Variants in FHIT observed in about 807,000 individuals in gnomAD.
FHIT encodes the protein fragile histidine triad diadenosine triphosphatase.
Under a neutral mutation model 17.9 loss-of-function variants are expected in FHIT, and 19 were observed. That is an observed-to-expected ratio of 1.06 (90% CI 0.74 to 1.56). FHIT has a LOEUF of 1.56. FHIT is among the 40% of genes most tolerant of loss of function. The probability of loss-of-function intolerance (pLI) is 0.00; values close to 1 mark genes in which losing one functional copy is unlikely to be tolerated. For synonymous variants in FHIT, 81 were observed against 69.7 expected, an observed-to-expected ratio of 1.16 and a Z score of -0.81; for missense variants, 248 against 189.2, an observed-to-expected ratio of 1.31 and a Z score of -1.82.
chr3:61,224,502 C>T (rs537814046), intron 1 of FHIT, among the ~76,000 whole-genome samples: 16 of 152,268 alleles, frequency 1.1e-4, no homozygotes, highest in South Asian at 4.1e-4. Flanking sequence ...CTCTGCCTCC[C>T]GGGTTCAAGC....
At chr3:60,050,907 C>G (rs1285422688) in intron 5 of FHIT, among the ~76,000 whole-genome samples, 1 of 152,102 alleles carries the variant, frequency 6.6e-6, no homozygotes, top group Non-Finnish European at 1.5e-5. Context: ...TCTAAAGAGG[C>G]CTCCATTAAT....
At position 59,852,832 on chromosome 3, in the gene FHIT, C is replaced by A. The variant is rs79536006; in HGVS notation, c.348+69514G>T. On this transcript the variant is annotated intron_variant, in intron 8 of 9. Coordinates refer to ENST00000492590, the MANE Select transcript of FHIT (RefSeq NM_002012.4). ...TTAGTAATATACATTTAAGTTTCCG[C>A]CATGTCTCTTCATGGATTGATAGCT... Among the ~76,000 whole-genome samples the A allele has an allele frequency of 9.1e-4, 138 of 152,218 alleles. 1 individual carries two copies. The highest frequency in any genetic ancestry group is 2.8e-3 in the African/African-American group (118 of 41,538).
chr3:60,312,409 C>A (rs1187805387), intron 5 of FHIT, among the ~76,000 whole-genome samples: 3 of 152,108 alleles, frequency 2.0e-5, no homozygotes, highest in Non-Finnish European at 4.4e-5. Context: ...CCCCAAAGTG[C>A]CAGGACCTTA....
At chr3:60,003,002 G>A (rs541558992) in intron 7 of FHIT, among the ~76,000 whole-genome samples, 21 of 152,290 alleles carry the variant, frequency 1.4e-4, no homozygotes, top group African/African-American at 4.8e-4. Context: ...ATGAGAACTA[G>A]CTATATGCTA....
At chr3:60,972,822 T>C (rs929965387) in intron 3 of FHIT, among the ~76,000 whole-genome samples, 5 of 152,176 alleles carry the variant, frequency 3.3e-5, no homozygotes, top group African/African-American at 1.2e-4. Flanking sequence ...ATGAATCCTC[T>C]CTTCTGTTGT....
chr3:59,771,244 A>G (rs942982225), intron 8 of FHIT, among the ~76,000 whole-genome samples: 3 of 152,216 alleles, frequency 2.0e-5, no homozygotes, highest in African/African-American at 7.2e-5. Context: ...GGCTTTCCCA[A>G]GATGTCATAA....
chr3:60,507,269 C>T (rs1173445155), intron 5 of FHIT, among the ~76,000 whole-genome samples: 1 of 151,996 alleles, frequency 6.6e-6, no homozygotes, highest in Non-Finnish European at 1.5e-5. Flanking sequence ...AAACAACATG[C>T]AAAGGCCTAT....
In FHIT at chr3:60,693,741, T is replaced by C. The variant is rs566290741; in HGVS notation, c.-18+128178A>G. Among the ~76,000 whole-genome samples the C allele has an allele frequency of 9.2e-5, 14 of 152,356 alleles. No individual in the cohort carries two copies. The East Asian group carries it at 2.5e-3, about 27-fold the overall frequency. On this transcript the variant is annotated intron_variant, in intron 4 of 9. Transcript: ENST00000492590. ...CTGTACAGCAGATAAAGGCCCAAAG[T>C]ACACTATAGTTTAGTGAATAGCATA...
intron 2 of FHIT, among the ~76,000 whole-genome samples, chr3:61,114,969 GC>G (rs2036258387): frequency 6.6e-6 from 1 of 152,090 alleles, no homozygotes; most frequent in Admixed American, 6.6e-5. Context: ...TGACATCAGG[GC>G]CAAAAGATGC....
At chr3:60,305,830 A>G (rs1244854980) in intron 5 of FHIT, among the ~76,000 whole-genome samples, 2 of 152,124 alleles carry the variant, frequency 1.3e-5, no homozygotes, top group Non-Finnish European at 2.9e-5. Context: ...TAATAATTTT[A>G]AACTGATGTG....
intron 5 of FHIT, among the ~76,000 whole-genome samples, chr3:60,306,412 AT>A (rs1708678310): frequency 6.6e-6 from 1 of 152,200 alleles, no homozygotes; most frequent in South Asian, 2.1e-4. Flanking sequence ...AGTCAAGGCT[AT>A]GTGGAATAGA....
At chr3:60,882,662 C>T (rs1026771501) in intron 3 of FHIT, among the ~76,000 whole-genome samples, 1 of 152,120 alleles carries the variant, frequency 6.6e-6, no homozygotes. Flanking sequence ...GAAAATTCAA[C>T]ATCCCTTCCT....
At chr3:59,818,418 A>G (rs914059951) in intron 8 of FHIT, among the ~76,000 whole-genome samples, 1 of 152,134 alleles carries the variant, frequency 6.6e-6, no homozygotes, top group Non-Finnish European at 1.5e-5. Flanking sequence ...AGAGACTGCT[A>G]GAAACACCAG....
intron 5 of FHIT, among the ~76,000 whole-genome samples, chr3:60,069,672 T>C (rs1177906657): frequency 6.6e-6 from 1 of 152,222 alleles, no homozygotes; most frequent in Non-Finnish European, 1.5e-5. Flanking sequence ...GTGACTCTAG[T>C]AAAGTTTCTT....
intron 2 of FHIT, among the ~76,000 whole-genome samples, chr3:61,184,616 A>G (rs2038448819): frequency 6.6e-6 from 1 of 152,178 alleles, no homozygotes; most frequent in Admixed American, 6.5e-5. Context: ...GCCAGCATGC[A>G]TTCTAAGTGC....
chr3:61,105,390 T>C (rs1576022997), intron 2 of FHIT, among the ~76,000 whole-genome samples: 1 of 152,172 alleles, frequency 6.6e-6, no homozygotes, highest in Admixed American at 6.6e-5. Flanking sequence ...GGGGTACTTG[T>C]ATTGTTTTAA....
intron 4 of FHIT, among the ~76,000 whole-genome samples, chr3:60,672,373 G>T (rs969642809): frequency 6.6e-6 from 1 of 151,472 alleles, no homozygotes; most frequent in Non-Finnish European, 1.5e-5. Flanking sequence ...ACAGTCAAAG[G>T]GGGTTTGTTC....
At chr3:60,694,846 C>A in intron 4 of FHIT, among the ~76,000 whole-genome samples, 1 of 151,844 alleles carries the variant, frequency 6.6e-6, no homozygotes, top group East Asian at 1.9e-4. Flanking sequence ...TTCTCACTCA[C>A]AGGTGGGAAC....
intron 5 of FHIT, among the ~76,000 whole-genome samples, chr3:60,136,745 G>GGGGA (rs1699833974): frequency 6.6e-6 from 1 of 151,910 alleles, no homozygotes; most frequent in Non-Finnish European, 1.5e-5. Flanking sequence ...GAAATGAGTT[G>GGGGA]GGGGCTATCC....
Sources: allele counts gnomAD v4.1 joint callset (sites outside exome capture counted in the v4.1 genomes callset), GRCh38; gene constraint gnomAD v4.1.1; transcripts MANE v1.5; gene names NCBI Gene and HGNC (gene_info 2026-07-23, HGNC 2026-07-21).